Variants in SMIM14 observed in about 807,000 individuals in gnomAD.
SMIM14 encodes chromosome 4 open reading frame 34.
Under a neutral mutation model 12.6 loss-of-function variants are expected in SMIM14, and 5 were observed. The ratio of observed to expected loss-of-function variants is 0.40; its 90% CI spans 0.21 to 0.83. The LOEUF (loss-of-function observed/expected upper bound fraction) is 0.83. Ranked by LOEUF, SMIM14 falls within the 40% of genes least tolerant of loss-of-function variation. The pLI is 0.37. For missense variants in SMIM14, 86 were observed against 119.1 expected (o/e 0.72, Z 1.29); for synonymous variants, 30 against 40.1 (o/e 0.75, Z 0.95).
intron 2 of SMIM14, among the ~76,000 whole-genome samples, chr4:39,578,734 G>A (rs775306271): frequency 1.1e-4 from 16 of 152,078 alleles, no homozygotes; most frequent in Admixed American, 1.3e-4. Context: ...GGTGACTCAC[G>A]CTTGTAATCC....
At chr4:39,632,105 T>C (rs981250293) in intron 1 of SMIM14, among the ~76,000 whole-genome samples, 3 of 152,118 alleles carry the variant, frequency 2.0e-5, no homozygotes, top group African/African-American at 4.8e-5. Context: ...AAATAAAATA[T>C]GCATTTATAA....
chr4:39,610,406 C>T (rs1220365645), intron 1 of SMIM14, among the ~76,000 whole-genome samples: 1 of 151,982 alleles, frequency 6.6e-6, no homozygotes, highest in Non-Finnish European at 1.5e-5. Flanking sequence ...GCAAAAGGTG[C>T]CATTTAAAAT....
intron 2 of SMIM14, among the ~76,000 whole-genome samples, chr4:39,579,924 C>A (rs1336998837): frequency 6.6e-6 from 1 of 150,394 alleles, no homozygotes; most frequent in Non-Finnish European, 1.5e-5. Flanking sequence ...CTAATGACAA[C>A]AAGTGGACAA....
rs1714571006 is a variant in SMIM14, at chr4:39,600,646, C to T, written c.75+4425G>A. On this transcript the variant is annotated intron_variant, in intron 2 of 4. Transcript: ENST00000295958. ...TGGAGGTTGCAGTGAGCCGAGATGGCGCCATTGCACTCCAGCCTGGGCAAC... is the reference window on the plus strand; with the variant it reads ...TGGAGGTTGCAGTGAGCCGAGATGGTGCCATTGCACTCCAGCCTGGGCAAC... 3.3e-5 allele frequency among the ~76,000 whole-genome samples: 5 copies of T among 151,940 alleles called. 1 individual carries two copies. The East Asian group carries it at 7.7e-4, about 24-fold the overall frequency.
At chr4:39,636,173 CAA>C (rs749292775) in intron 1 of SMIM14, among the ~76,000 whole-genome samples, 1,519 of 76,276 alleles carry the variant, frequency 0.02, 73 homozygotes, top group African/African-American at 0.073. Context: ...CTCCATCTCC[CAA>C]AAAAAAAAAA....
In SMIM14 at chr4:39,547,384, C is replaced by CA. The variant is rs1209305645; in HGVS notation, c.*4741dup. ...ATCCAAGTACTCAGAAAAAGATTAA[C>CA]AACAGACCCTGGATGGCACAGACAT... is the stretch of plus-strand genomic sequence containing the variant. On this transcript the variant is annotated 3_prime_UTR_variant, in exon 5 of 5. Transcript: ENST00000295958. The CA allele has an allele frequency of 6.6e-6, 1 of 152,152 alleles. No individual in the cohort carries two copies. The highest frequency in any genetic ancestry group is 1.9e-4 in the East Asian group (1 of 5,200). The allele number at this position is 152,152 out of a possible 1,614,324, so 9.4% of individuals were successfully genotyped here. A position where few individuals can be genotyped will look rare whatever the true frequency, so the allele number is the denominator to read the frequency against.
intron 2 of SMIM14, 84 bp from the exon 3 acceptor site, chr4:39,572,547 G>T: frequency 8.3e-7 from 1 of 1,203,186 alleles, no homozygotes; most frequent in Non-Finnish European, 1.2e-6. Flanking sequence ...GTTTTGGCCG[G>T]GTGCGGTGGC....
chr4:39,557,382 A>G lies in SMIM14; in HGVS notation c.125-812T>C, dbSNP rs144807031. On this transcript the variant is annotated intron_variant, in intron 3 of 4. Coordinates refer to ENST00000295958, the MANE Select transcript of SMIM14 (RefSeq NM_174921.3). ...CACTATGTTGCCTGGACTAGTCTCTAACACATTTTTTAATAGTATAATAAT... is the reference window on the plus strand; with the variant it reads ...CACTATGTTGCCTGGACTAGTCTCTGACACATTTTTTAATAGTATAATAAT... Among the ~76,000 whole-genome samples the G allele has an allele frequency of 4.6e-4, 70 of 152,270 alleles. No homozygotes were observed. In the East Asian group the frequency reaches 0.013, roughly 28 times the overall value.
intron 4 of SMIM14, among the ~76,000 whole-genome samples, chr4:39,553,782 C>A (rs1172396978): frequency 6.6e-6 from 1 of 151,664 alleles, no homozygotes; most frequent in Admixed American, 6.6e-5. Context: ...TTAATAGAGA[C>A]GGAGTTTGGT....
At chr4:39,618,654 AAAAAAAAAAAC>A (rs1452577297) in intron 1 of SMIM14, among the ~76,000 whole-genome samples, 3 of 150,964 alleles carry the variant, frequency 2.0e-5, no homozygotes, top group Admixed American at 6.6e-5. Flanking sequence ...CATCTCAAAA[AAAAAAAAAAAC>A]AAAAAAAAAA....
intron 3 of SMIM14, among the ~76,000 whole-genome samples, chr4:39,562,658 T>G (rs557856617): frequency 6.6e-6 from 1 of 152,104 alleles, no homozygotes; most frequent in East Asian, 1.9e-4. Flanking sequence ...CCAATTAATT[T>G]TTTTATATTT....
intron 1 of SMIM14, among the ~76,000 whole-genome samples, chr4:39,611,163 A>T (rs1437868455): frequency 6.6e-6 from 1 of 152,242 alleles, no homozygotes; most frequent in African/African-American, 2.4e-5. Flanking sequence ...CAAATAAAAA[A>T]TGGAAGTGTA....
intron 1 of SMIM14, among the ~76,000 whole-genome samples, chr4:39,637,387 C>G (rs1421727524): frequency 6.6e-6 from 1 of 152,118 alleles, no homozygotes; most frequent in African/African-American, 2.4e-5. Context: ...AATATCTCAA[C>G]GGCAAACACT....
intron 4 of SMIM14, among the ~76,000 whole-genome samples, chr4:39,554,705 T>A (rs1228676218): frequency 6.7e-6 from 1 of 150,048 alleles, no homozygotes; most frequent in African/African-American, 2.4e-5. Flanking sequence ...GTTTTTTAAT[T>A]ATAAATTTTA....
intron 1 of SMIM14, among the ~76,000 whole-genome samples, chr4:39,606,526 A>G (rs1714816086): frequency 1.3e-5 from 2 of 151,796 alleles, no homozygotes; most frequent in South Asian, 4.2e-4. Context: ...TTGTAGTCCC[A>G]GCTACTCAGG....
Position 39,549,114 on chromosome 4 carries a change from G to A in SMIM14, c.*3012C>T, listed in dbSNP as rs947650343. The A allele has an allele frequency of 1.3e-5, 2 of 152,108 alleles. No homozygotes were observed. Among genetic ancestry groups the A allele is most frequent in the Non-Finnish European group, 2.9e-5 (2 of 68,026 alleles). 9.4% of individuals were successfully genotyped at this position (152,108 alleles called of 1,614,324 possible). A position where few individuals can be genotyped will look rare whatever the true frequency, so the allele number is the denominator to read the frequency against. On this transcript the variant is annotated 3_prime_UTR_variant, in exon 5 of 5. Transcript: ENST00000295958. ...GGAGGCTGAGGAAGGAGAATCGCTC[G>A]AACCTGGGGGTGGATGTTGCAGTGA...
chr4:39,606,501 C>T (rs1233426182), intron 1 of SMIM14, among the ~76,000 whole-genome samples: 2 of 151,882 alleles, frequency 1.3e-5, no homozygotes, highest in African/African-American at 4.8e-5. Flanking sequence ...ATTAGCCAAG[C>T]GTGGTGGCGT....
rs1711533776 is a variant in SMIM14, at chr4:39,548,935, CTG to C, written c.*3189_*3190del. The C allele has an allele frequency of 6.6e-6, 1 of 152,198 alleles. No homozygotes were observed. The highest frequency in any genetic ancestry group is 1.5e-5 in the Non-Finnish European group (1 of 68,042). The allele number at this position is 152,198 out of a possible 1,614,324, so 9.4% of individuals were successfully genotyped here. ...TCTGGCCAGGCACGGTGGCTCACAT[CTG>C]TAATCCTAGCACTTTGGGAGGCCAT... On this transcript the variant is annotated 3_prime_UTR_variant, in exon 5 of 5. Transcript: ENST00000295958.
At chr4:39,610,496 C>T (rs996077153) in intron 1 of SMIM14, among the ~76,000 whole-genome samples, 5 of 151,524 alleles carry the variant, frequency 3.3e-5, no homozygotes, top group African/African-American at 1.2e-4. Flanking sequence ...GCACTGGAAG[C>T]CTGAGCAATA....
Sources: gnomAD v4.1 joint callset for allele counts (sites outside exome capture counted in the v4.1 genomes callset) on GRCh38, gnomAD v4.1.1 for gene constraint, MANE v1.5 for transcripts, NCBI Gene and HGNC (gene_info 2026-07-23, HGNC 2026-07-21) for gene names.